Variants in DCAF8L2 observed in about 807,000 individuals in gnomAD.
DCAF8L2 encodes the protein DDB1 and CUL4 associated factor 8 like 2.
For missense variants in DCAF8L2, 430 were observed against 490.7 expected (o/e 0.88, Z 1.17); for synonymous variants, 200 against 190.9 (o/e 1.05, Z -0.39).
chrX:27,690,407 C>T (rs1930670686), intron 3 of DCAF8L2, among the ~76,000 whole-genome samples: 1 of 111,478 alleles, frequency 9.0e-6, no homozygotes, highest in Admixed American at 9.6e-5. Flanking sequence ...ATGTGATGAT[C>T]TACAGAATGC....
chrX:27,685,806 T>A (rs1489004991), intron 3 of DCAF8L2, among the ~76,000 whole-genome samples: 1 of 111,340 alleles, frequency 9.0e-6, no homozygotes, highest in Non-Finnish European at 1.9e-5. Context: ...ACCTACAGGA[T>A]GGGAGAAAAT....
chrX:27,683,642 G>A (rs910676814), intron 3 of DCAF8L2, among the ~76,000 whole-genome samples: 2 of 112,106 alleles, frequency 1.8e-5, no homozygotes, highest in African/African-American at 3.2e-5. Context: ...CTGCTGAAGG[G>A]GCTTTTGCCC....
the DCAF8L2 span, among the ~76,000 whole-genome samples, chrX:27,556,507 A>G: frequency 8.9e-6 from 1 of 112,054 alleles, no homozygotes; most frequent in East Asian, 2.8e-4. Flanking sequence ...ATGCTGAAAA[A>G]TGGTCTAGTT....
At chrX:27,576,718 T>C in the DCAF8L2 span, among the ~76,000 whole-genome samples, 1 of 112,112 alleles carries the variant, frequency 8.9e-6, no homozygotes, top group Admixed American at 9.5e-5. Flanking sequence ...AATAGTGAGT[T>C]ATAAAAAGTA....
chrX:27,674,844 T>C (rs1930087481), intron 2 of DCAF8L2, among the ~76,000 whole-genome samples: 1 of 111,613 alleles, frequency 9.0e-6, no homozygotes, highest in Non-Finnish European at 1.9e-5. Flanking sequence ...GACCGGGTGC[T>C]CTCAATTCAG....
the DCAF8L2 span, among the ~76,000 whole-genome samples, chrX:27,509,385 T>TTTTATACAACCTCTG: frequency 8.9e-6 from 1 of 112,080 alleles, no homozygotes; most frequent in African/African-American, 3.2e-5. Flanking sequence ...AAAACTGCTG[T>TTTTATACAACCTCTG]CTGTTTAAAA....
chrX:27,611,631 C>T (rs1158845646), intron 1 of DCAF8L2, among the ~76,000 whole-genome samples: 1 of 107,309 alleles, frequency 9.3e-6, no homozygotes, highest in African/African-American at 3.4e-5. Flanking sequence ...GTGTGATGTT[C>T]CCTGCCCTGT....
In DCAF8L2 at chrX:27,749,232, T is replaced by A. The variant is rs138030500; in HGVS notation, c.*441T>A. On this transcript the variant is annotated 3_prime_UTR_variant, in exon 5 of 5. Transcript: ENST00000451261. ...TTTTCTGAAGATCGAGTTCCTCAGTTGACCTGAAAATTTCAGAAATGTGTT... is the reference window on the plus strand; with the variant it reads ...TTTTCTGAAGATCGAGTTCCTCAGTAGACCTGAAAATTTCAGAAATGTGTT... 3.9e-3 allele frequency among the ~76,000 whole-genome samples: 434 copies of A among 112,137 alleles called. 4 individuals carry two copies. The highest frequency in any genetic ancestry group is 0.013 in the African/African-American group (411 of 30,916).
chrX:27,733,950 T>G (rs959678299), intron 4 of DCAF8L2, among the ~76,000 whole-genome samples: 18 of 111,779 alleles, frequency 1.6e-4, no homozygotes, highest in African/African-American at 4.9e-4. Context: ...ATCATCTCAA[T>G]AGATGCAGAT....
chrX:27,729,618 C>T (rs1218172979), intron 4 of DCAF8L2, among the ~76,000 whole-genome samples: 1 of 111,832 alleles, frequency 8.9e-6, no homozygotes, highest in Non-Finnish European at 1.9e-5. Flanking sequence ...GTAAGGCCTG[C>T]TTTTGGTTCA....
intron 3 of DCAF8L2, among the ~76,000 whole-genome samples, chrX:27,708,922 C>CT (rs1193429278): frequency 1.8e-5 from 2 of 111,851 alleles, no homozygotes; most frequent in Non-Finnish European, 3.8e-5. Context: ...ACCTGCTTTT[C>CT]TTTTTTCTTT....
chrX:27,530,251 CA>C, the DCAF8L2 span, among the ~76,000 whole-genome samples: 23 of 109,213 alleles, frequency 2.1e-4, no homozygotes, highest in African/African-American at 6.6e-4. Flanking sequence ...TGGAGTTCAA[CA>C]AAAAAAACAT....
At chrX:27,566,108 T>C in the DCAF8L2 span, among the ~76,000 whole-genome samples, 2 of 109,549 alleles carry the variant, frequency 1.8e-5, no homozygotes, top group Non-Finnish European at 3.8e-5. Context: ...GAGCATGTCT[T>C]AGCCAACTCC....
At chrX:27,493,309 C>A in the DCAF8L2 span, among the ~76,000 whole-genome samples, 1 of 111,651 alleles carries the variant, frequency 9.0e-6, no homozygotes, top group Non-Finnish European at 1.9e-5. Flanking sequence ...ATTTACATAA[C>A]ATAAAGTTTG....
At chrX:27,504,296 T>C in the DCAF8L2 span, among the ~76,000 whole-genome samples, 2 of 112,154 alleles carry the variant, frequency 1.8e-5, no homozygotes, top group East Asian at 5.6e-4. Context: ...TCCCAATATT[T>C]GTTAATGACA....
chrX:27,569,301 C>T, the DCAF8L2 span, among the ~76,000 whole-genome samples: 42 of 111,342 alleles, frequency 3.8e-4, no homozygotes, highest in Non-Finnish European at 7.5e-4. Context: ...TTGCCTGTAC[C>T]TTGGATCTCT....
At chrX:27,540,343 A>G in the DCAF8L2 span, among the ~76,000 whole-genome samples, 1 of 112,110 alleles carries the variant, frequency 8.9e-6, no homozygotes, top group African/African-American at 3.2e-5. Context: ...TAGATGGAAT[A>G]TGATCCCTGT....
the DCAF8L2 span, among the ~76,000 whole-genome samples, chrX:27,537,789 G>C: frequency 8.9e-6 from 1 of 111,914 alleles, no homozygotes; most frequent in Admixed American, 9.5e-5. Context: ...GCAGAGATTG[G>C]TGAGGAGAGG....
the DCAF8L2 span, among the ~76,000 whole-genome samples, chrX:27,569,873 G>A: frequency 2.7e-5 from 3 of 111,412 alleles, no homozygotes; most frequent in Admixed American, 1.9e-4. Context: ...TTTGTTAAAT[G>A]TGTTATGTAT....
Sources: allele counts gnomAD v4.1 joint callset (sites outside exome capture counted in the v4.1 genomes callset), GRCh38; gene constraint gnomAD v4.1.1; transcripts MANE v1.5; gene names NCBI Gene and HGNC (gene_info 2026-07-23, HGNC 2026-07-21).